SCLT1: variants seen among roughly 807,000 people sequenced by gnomAD.
SCLT1 encodes the protein sodium channel-associated protein 1.
A neutral mutation model predicts 112.8 loss-of-function variants in SCLT1; 78 were observed. The ratio of observed to expected loss-of-function variants is 0.69; its 90% CI spans 0.58 to 0.83. The LOEUF (loss-of-function observed/expected upper bound fraction) is 0.83, where lower values mean the gene tolerates loss of function less well. SCLT1 is among the 40% of genes least tolerant of loss of function. SCLT1 has a pLI of 0.00. For missense variants in SCLT1, 747 were observed against 770.4 expected (o/e 0.97, Z 0.36); for synonymous variants, 257 against 254.7 (o/e 1.01, Z -0.09).
At chr4:128,897,862 G>A (rs567063788) in intron 18 of SCLT1, among the ~76,000 whole-genome samples, 4 of 152,036 alleles carry the variant, frequency 2.6e-5, no homozygotes, top group Admixed American at 2.0e-4. Flanking sequence ...AAAAAGGCAG[G>A]GGTTGCAATC....
intron 1 of SCLT1, among the ~76,000 whole-genome samples, chr4:129,088,138 A>C (rs1752556258): frequency 6.6e-6 from 1 of 152,138 alleles, no homozygotes; most frequent in African/African-American, 2.4e-5. Flanking sequence ...AAACATTTAT[A>C]AAATAAAATT....
At chr4:128,951,648 G>A (rs1738749054) in intron 14 of SCLT1, among the ~76,000 whole-genome samples, 1 of 152,018 alleles carries the variant, frequency 6.6e-6, no homozygotes, top group Admixed American at 6.6e-5. Flanking sequence ...ACAAAGATAC[G>A]AATCTCTTGA....
At chr4:128,999,862 ATT>A in intron 6 of SCLT1, 68 bp from the exon 7 acceptor site, 1 of 1,005,078 alleles carries the variant, frequency 9.9e-7, no homozygotes, top group South Asian at 2.0e-5. Flanking sequence ...CAAATGGATC[ATT>A]TTCTTTTATA....
At chr4:128,888,824 G>T in intron 19 of SCLT1, 50 bp from the exon 20 acceptor site, 1 of 1,122,464 alleles carries the variant, frequency 8.9e-7, no homozygotes, top group Non-Finnish European at 1.3e-6. Flanking sequence ...GTGACATGGA[G>T]ATGTTTTGTG....
chr4:129,077,694 C>A (rs1326128919), intron 2 of SCLT1, among the ~76,000 whole-genome samples: 3 of 152,132 alleles, frequency 2.0e-5, no homozygotes, highest in Non-Finnish European at 2.9e-5. Context: ...AACTAAGTTA[C>A]AGTGATAAGA....
At position 128,943,011 on chromosome 4, in the gene SCLT1, T is replaced by C; in HGVS notation, c.1617A>G (p.Lys539=). 1 of 1,605,482 alleles carries C rather than the reference T, an allele frequency of 6.2e-7. No individual in the cohort carries two copies. The change falls in exon 17 of 21, where the codon AAA becomes AAG. Residue 539 remains lysine (K), a synonymous_variant. Transcript: ENST00000281142. ...TTGAAAATACCTTTACTTTGGCTTT[T>C]TTTTGAGCCTCCAGGGCAATCTTCC... is the stretch of plus-strand genomic sequence containing the variant. The part of the protein sequence containing the change: ...SLRKIALEAQ[K]KAKVKISTME...
intron 18 of SCLT1, among the ~76,000 whole-genome samples, chr4:128,928,450 C>T (rs2125970784): frequency 6.6e-6 from 1 of 152,248 alleles, no homozygotes; most frequent in African/African-American, 2.4e-5. Flanking sequence ...AAATTTGGTA[C>T]ACTAGCAAAA....
intron 14 of SCLT1, chr4:128,952,442 T>G: frequency 2.1e-6 from 1 of 481,546 alleles, no homozygotes; most frequent in Non-Finnish European, 4.1e-6. Context: ...TCCTTCCCAC[T>G]GTTATATATA....
intron 18 of SCLT1, among the ~76,000 whole-genome samples, chr4:128,909,181 C>G (rs548586379): frequency 6.6e-6 from 1 of 152,238 alleles, no homozygotes; most frequent in South Asian, 2.1e-4. Context: ...AGATTCATTT[C>G]TTCACAGGAT....
At position 128,952,159 on chromosome 4, in the gene SCLT1, T is replaced by C. The variant is rs143818504; in HGVS notation, c.1218+610A>G. Reference sequence around the variant, plus strand: ...GCATGATAGTTATTACAAGATATGATTCATTGCTAAATTTTGTAACAGAGA... The same window carrying C: ...GCATGATAGTTATTACAAGATATGACTCATTGCTAAATTTTGTAACAGAGA... On this transcript the variant is annotated intron_variant, in intron 14 of 20. Transcript: ENST00000281142. Among the ~76,000 whole-genome samples the C allele has an allele frequency of 5.7e-3, 875 of 152,278 alleles. 6 individuals carry two copies. Among genetic ancestry groups the C allele is most frequent in the Middle Eastern group, 0.034 (10 of 294 alleles).
chr4:129,001,742 C>T (rs993110973), intron 6 of SCLT1, among the ~76,000 whole-genome samples: 3 of 152,040 alleles, frequency 2.0e-5, no homozygotes, highest in Admixed American at 6.6e-5. Context: ...TTGCTATTGG[C>T]TCCTAAAGCA....
chr4:129,068,148 G>T (rs942200499), intron 2 of SCLT1, among the ~76,000 whole-genome samples: 6 of 152,088 alleles, frequency 3.9e-5, no homozygotes, highest in Non-Finnish European at 5.9e-5. Context: ...TCTCATCCAG[G>T]TTGCTGCAAA....
intron 5 of SCLT1, among the ~76,000 whole-genome samples, chr4:129,007,596 T>C (rs749776333): frequency 2.6e-5 from 4 of 152,206 alleles, no homozygotes; most frequent in Non-Finnish European, 5.9e-5. Flanking sequence ...TCTATCCTTT[T>C]ATTTTCACCC....
At chr4:129,077,581 A>G (rs1174464739) in intron 2 of SCLT1, among the ~76,000 whole-genome samples, 5 of 152,204 alleles carry the variant, frequency 3.3e-5, no homozygotes, top group Non-Finnish European at 2.9e-5. Context: ...ACAAATATTT[A>G]TCAAATGCCT....
At position 129,009,178 on chromosome 4, in the gene SCLT1, C is replaced by A. The variant is rs140762024; in HGVS notation, c.291-5302G>T. Among the ~76,000 whole-genome samples the A allele has an allele frequency of 1.6e-3, 250 of 152,146 alleles. 2 individuals carry two copies. The highest frequency in any genetic ancestry group is 0.014 in the East Asian group (71 of 5,162). On this transcript the variant is annotated intron_variant, in intron 5 of 20. Transcript: ENST00000281142. ...GATTTCTATTACTTCGTTATATATC[C>A]AGTGATGGGATTGCTGGGTTAAATG...
chr4:129,019,382 T>C (rs369523050), intron 5 of SCLT1, among the ~76,000 whole-genome samples: 4 of 152,206 alleles, frequency 2.6e-5, no homozygotes, highest in East Asian at 3.8e-4. Flanking sequence ...TTCTTTTACA[T>C]ACCATTAAAA....
intron 2 of SCLT1, among the ~76,000 whole-genome samples, chr4:129,050,617 A>C (rs1748688643): frequency 6.6e-6 from 1 of 152,104 alleles, no homozygotes; most frequent in Non-Finnish European, 1.5e-5. Context: ...TTCCTTGTAG[A>C]CTGTGGATAT....
chr4:129,061,345 T>C (rs1457802235), intron 2 of SCLT1, among the ~76,000 whole-genome samples: 1 of 152,056 alleles, frequency 6.6e-6, no homozygotes, highest in African/African-American at 2.4e-5. Flanking sequence ...GCACAGACTC[T>C]AGGGGCTAGT....
At chr4:128,886,039 G>A (rs763882208) in intron 20 of SCLT1, among the ~76,000 whole-genome samples, 1 of 151,808 alleles carries the variant, frequency 6.6e-6, no homozygotes, top group Admixed American at 6.6e-5. Flanking sequence ...TATTTTTCTC[G>A]GTTTGTCACT....
Sources: allele counts gnomAD v4.1 joint callset (sites outside exome capture counted in the v4.1 genomes callset), GRCh38; gene constraint gnomAD v4.1.1; transcripts MANE v1.5; gene names NCBI Gene and HGNC (gene_info 2026-07-23, HGNC 2026-07-21).